Variants in ZNF34 observed in about 807,000 individuals in gnomAD.
The protein encoded by ZNF34 is zinc finger protein 34 (KOX 32).
In ZNF34, 8 loss-of-function variants were observed where a neutral mutation model predicts 14.4. That is an observed-to-expected ratio of 0.55 (90% confidence interval 0.33 to 1.00). The LOEUF is 1.00. Among genes scored for constraint, ZNF34 ranks in the 50% least tolerant of loss-of-function variants. The pLI is 0.03. For synonymous variants in ZNF34, 235 were observed against 247.9 expected, an observed-to-expected ratio of 0.95 and a Z score of 0.49; for missense variants, 538 against 674.2, an observed-to-expected ratio of 0.80 and a Z score of 2.24.
At chr8:144,780,370 T>C (rs1043805472) in intron 1 of ZNF34, 90 bp from the exon 2 acceptor site, 2 of 984,378 alleles carry the variant, frequency 2.0e-6, no homozygotes, top group African/African-American at 3.3e-5. Flanking sequence ...ATATATCTTT[T>C]CTGTATCTTT....
chr8:144,777,204 G>A lies in ZNF34; in HGVS notation c.280+254C>T, dbSNP rs2955203. On this transcript the variant is annotated intron_variant, in intron 5 of 5. Transcript: ENST00000429371. This position sits in a 1 kb window ranked among gnomAD's most constrained non-coding sequence, Gnocchi z 4.8. The stretch of plus-strand genomic sequence containing the variant: ...TGCACCTACTCACTCCCCTCTACAC[G>A]GGACCTTGCCTGGAATGTCCATTCC... 0.098 allele frequency among the ~76,000 whole-genome samples: 14,856 copies of A among 151,988 alleles called. 1,020 individuals carry two copies. Among genetic ancestry groups the A allele is most frequent in the East Asian group, 0.38 (1,933 of 5,120 alleles).
In ZNF34 at chr8:144,773,158, C is replaced by T; in HGVS notation, c.*108G>A. On this transcript the variant is annotated 3_prime_UTR_variant, in exon 6 of 6. Coordinates refer to ENST00000429371, the MANE Select transcript of ZNF34 (RefSeq NM_001286769.2). This position sits in a 1 kb window ranked among gnomAD's most constrained non-coding sequence, Gnocchi z 5.4. ...GTTTGTTTAATGAGAAACGTCCTTT[C>T]ACTCTGTGAAAACATCGTGTGGATA... is the stretch of plus-strand genomic sequence containing the variant. 2 of 1,214,944 alleles carry T rather than the reference C, an allele frequency of 1.6e-6. No individual in the cohort carries two copies. Among genetic ancestry groups the T allele is most frequent in the South Asian group, 1.7e-5 (1 of 57,430 alleles). 75.3% of individuals were successfully genotyped at this position (1,214,944 alleles called of 1,614,324 possible).
At position 144,777,203 on chromosome 8, in the gene ZNF34, C is replaced by T. The variant is rs145898311; in HGVS notation, c.280+255G>A. On this transcript the variant is annotated intron_variant, in intron 5 of 5. Transcript: ENST00000429371. The surrounding 1 kb of genome is among the most constrained non-coding windows in gnomAD (Gnocchi z 4.8). ...CTGCACCTACTCACTCCCCTCTACA[C>T]GGGACCTTGCCTGGAATGTCCATTC... Among the ~76,000 whole-genome samples, 124 of 152,260 alleles carry T rather than the reference C, an allele frequency of 8.1e-4. 1 individual carries two copies. Among genetic ancestry groups the T allele is most frequent in the Non-Finnish European group, 1.5e-3 (105 of 68,024 alleles).
At chr8:144,785,022 T>C (rs192305084) in intron 1 of ZNF34, among the ~76,000 whole-genome samples, 12 of 131,968 alleles carry the variant, frequency 9.1e-5, no homozygotes, top group African/African-American at 3.6e-4. Flanking sequence ...GTGGCTGAGG[T>C]AGAAGAATCG....
intron 1 of ZNF34, among the ~76,000 whole-genome samples, chr8:144,783,645 G>A (rs564965286): frequency 6.6e-6 from 1 of 152,142 alleles, no homozygotes; most frequent in African/African-American, 2.4e-5. Context: ...CTTAAAAAAA[G>A]ATATGTATGT....
In ZNF34 at chr8:144,779,001, G is replaced by A. The variant is rs1825705902; in HGVS notation, c.-54-476C>T. 1.3e-5 allele frequency among the ~76,000 whole-genome samples: 2 copies of A among 152,068 alleles called. No homozygotes were observed. Among genetic ancestry groups the A allele is most frequent in the African/African-American group, 4.8e-5 (2 of 41,392 alleles). On this transcript the variant is annotated intron_variant, in intron 2 of 5. Coordinates refer to ENST00000429371, the MANE Select transcript of ZNF34 (RefSeq NM_001286769.2). The surrounding 1 kb of genome is among the most constrained non-coding windows in gnomAD (Gnocchi z 4.1). ...CCCCTCATGGCCTTTGGAACACCAA[G>A]CTCTGTGCCAAAGGGGGGAAGGCTG...
chr8:144,772,965 G>A lies in ZNF34; in HGVS notation c.*301C>T, dbSNP rs548673145. On this transcript the variant is annotated 3_prime_UTR_variant, in exon 6 of 6. Coordinates refer to ENST00000429371, the MANE Select transcript of ZNF34 (RefSeq NM_001286769.2). ...AGGTGCTGCAATGACAAGCATTACG[G>A]TATTTTCTTTTTAAAATGCTCTCCA... 1.8e-5 allele frequency: 5 copies of A among 275,316 alleles called. No individual in the cohort carries two copies. Among genetic ancestry groups the A allele is most frequent in the South Asian group, 9.9e-5 (1 of 10,078 alleles). 17.1% of individuals were successfully genotyped at this position (275,316 alleles called of 1,614,324 possible).
At chr8:144,778,574 C>T in intron 2 of ZNF34, 49 bp from the exon 3 acceptor site, 1 of 1,436,370 alleles carries the variant, frequency 7.0e-7, no homozygotes, top group Non-Finnish European at 9.4e-7. Flanking sequence ...GCCCCTTCTT[C>T]CACAGCTCAG....
chr8:144,772,964 G>A lies in ZNF34; in HGVS notation c.*302C>T, dbSNP rs989121713. 3.8e-6 allele frequency: 1 copy of A among 265,788 alleles called. No homozygotes were observed. Among genetic ancestry groups the A allele is most frequent in the Non-Finnish European group, 7.1e-6 (1 of 140,656 alleles). 16.5% of individuals were successfully genotyped at this position (265,788 alleles called of 1,614,324 possible). On this transcript the variant is annotated 3_prime_UTR_variant, in exon 6 of 6. Coordinates refer to ENST00000429371, the MANE Select transcript of ZNF34 (RefSeq NM_001286769.2). Reference sequence around the variant, plus strand: ...TAGGTGCTGCAATGACAAGCATTACGGTATTTTCTTTTTAAAATGCTCTCC... The same window carrying A: ...TAGGTGCTGCAATGACAAGCATTACAGTATTTTCTTTTTAAAATGCTCTCC...
At chr8:144,784,528 G>A (rs1247829537) in intron 1 of ZNF34, among the ~76,000 whole-genome samples, 2 of 150,854 alleles carry the variant, frequency 1.3e-5, no homozygotes, top group Admixed American at 1.3e-4. Context: ...GGGAGGCCGA[G>A]GTGAGTGGAT....
At chr8:144,787,024 G>A (rs974203207) in intron 1 of ZNF34, among the ~76,000 whole-genome samples, 6 of 152,180 alleles carry the variant, frequency 3.9e-5, no homozygotes, top group African/African-American at 1.2e-4. Flanking sequence ...CGTGGGGCAA[G>A]GGAGTTGTCA....
At chr8:144,784,860 C>T (rs1381592780) in intron 1 of ZNF34, among the ~76,000 whole-genome samples, 8 of 151,964 alleles carry the variant, frequency 5.3e-5, no homozygotes, top group African/African-American at 1.2e-4. Flanking sequence ...TGGTAGCTCA[C>T]ACCTGTAATC....
In ZNF34 at chr8:144,777,657, G is replaced by T; in HGVS notation, c.161-80C>A. On this transcript the variant is annotated intron_variant, in intron 4 of 5. Coordinates refer to ENST00000429371, the MANE Select transcript of ZNF34 (RefSeq NM_001286769.2). This position sits in a 1 kb window ranked among gnomAD's most constrained non-coding sequence, Gnocchi z 4.8. ...TGCTGTCTCACCCTGGGGCTGCAGG[G>T]TAAGGGAGGCACAGGCAGAGGGGGT... is the stretch of plus-strand genomic sequence containing the variant. 1.3e-6 allele frequency: 2 copies of T among 1,497,536 alleles called. No homozygotes were observed. Among genetic ancestry groups the T allele is most frequent in the South Asian group, 2.5e-5 (2 of 80,342 alleles). 92.8% of individuals were successfully genotyped at this position (1,497,536 alleles called of 1,614,324 possible).
intron 3 of ZNF34, 97 bp from the exon 4 acceptor site, chr8:144,778,261 G>A (rs1207553767): frequency 1.8e-5 from 27 of 1,519,518 alleles, no homozygotes; most frequent in Non-Finnish European, 2.4e-5. Flanking sequence ...GCAGCACAGT[G>A]GGTGGCCTGA....
chr8:144,776,438 A>G (rs1263081505), intron 5 of ZNF34, among the ~76,000 whole-genome samples: 2 of 151,412 alleles, frequency 1.3e-5, no homozygotes, highest in Non-Finnish European at 2.9e-5. Context: ...TGTCTCTACT[A>G]AAAATACAAA....
rs897167382 is a variant in ZNF34 at position 144,772,788 on chromosome 8, C to A, written c.*478G>T. ...CTCCTGACCTCAAGTGATCCACCCA[C>A]CTTGGCCTCTCAAAATGCTGGTATT... is the stretch of plus-strand genomic sequence containing the variant. On this transcript the variant is annotated 3_prime_UTR_variant, in exon 6 of 6. Coordinates refer to ENST00000429371, the MANE Select transcript of ZNF34 (RefSeq NM_001286769.2). Among the ~76,000 whole-genome samples, 10 of 152,184 alleles carry A rather than the reference C, an allele frequency of 6.6e-5. No homozygotes were observed. Among genetic ancestry groups the A allele is most frequent in the Non-Finnish European group, 1.5e-4 (10 of 68,034 alleles).
intron 1 of ZNF34, among the ~76,000 whole-genome samples, chr8:144,783,880 T>C (rs1223929449): frequency 6.6e-6 from 1 of 152,196 alleles, no homozygotes; most frequent in African/African-American, 2.4e-5. Flanking sequence ...GCCAAGGCAG[T>C]GTGGCCAGGC....
In ZNF34 at chr8:144,778,507, G is replaced by A. The variant is rs748694127; in HGVS notation, c.-36C>T. On this transcript the variant is annotated 5_prime_UTR_variant, in exon 3 of 6. Coordinates refer to ENST00000429371, the MANE Select transcript of ZNF34 (RefSeq NM_001286769.2). Reference sequence around the variant, plus strand: ...TTGGGCTTTCTGAGGGCAGTGAGCAGGAGCTGGTCACTGAGGAGCTGAGGG... The same window carrying A: ...TTGGGCTTTCTGAGGGCAGTGAGCAAGAGCTGGTCACTGAGGAGCTGAGGG... 8.2e-6 allele frequency: 13 copies of A among 1,584,156 alleles called. No individual in the cohort carries two copies. The highest frequency in any genetic ancestry group is 1.1e-5 in the Non-Finnish European group (13 of 1,165,744).
rs188844199 is a variant in ZNF34 at position 144,772,486 on chromosome 8, C to A, written c.*780G>T. On this transcript the variant is annotated 3_prime_UTR_variant, in exon 6 of 6. Transcript: ENST00000429371. ...GTAAATTTCATATTATGTTATTTCA[C>A]CACAGTTAAAGGCAACTTCAACTCT... 7.2e-5 allele frequency among the ~76,000 whole-genome samples: 11 copies of A among 152,296 alleles called. No homozygotes were observed. Among genetic ancestry groups the A allele is most frequent in the African/African-American group, 2.4e-4 (10 of 41,546 alleles).
Sources: allele counts gnomAD v4.1 joint callset (sites outside exome capture counted in the v4.1 genomes callset), GRCh38; gene constraint gnomAD v4.1.1; non-coding constraint Gnocchi (gnomAD v3.1); transcripts MANE v1.5; gene names NCBI Gene and HGNC (gene_info 2026-07-23, HGNC 2026-07-21).